NDUFA10: variants seen among roughly 807,000 people sequenced by gnomAD.
The protein encoded by NDUFA10 is NADH:ubiquinone oxidoreductase subunit A10.
A neutral mutation model predicts 47.8 loss-of-function variants in NDUFA10; 40 were observed. The ratio of observed to expected loss-of-function variants is 0.84; its 90% CI spans 0.65 to 1.09. NDUFA10 has a LOEUF of 1.09. Among genes scored for constraint, NDUFA10 ranks in the 50% least tolerant of loss-of-function variants. The pLI, the probability that NDUFA10 is intolerant of heterozygous loss-of-function variation, is 0.00. For missense variants in NDUFA10, 413 were observed against 451.1 expected, an observed-to-expected ratio of 0.92 and a Z score of 0.76; for synonymous variants, 183 against 172.2, an observed-to-expected ratio of 1.06 and a Z score of -0.49.
chr2:240,023,746 C>T (rs1029804696), intron 1 of NDUFA10, among the ~76,000 whole-genome samples: 3 of 152,064 alleles, frequency 2.0e-5, no homozygotes, highest in African/African-American at 7.2e-5. Flanking sequence ...AGATATTTTT[C>T]GATCTTGATT....
At chr2:240,021,519 G>A in intron 2 of NDUFA10, 107 bp from the exon 3 acceptor site, 1 of 992,968 alleles carries the variant, frequency 1.0e-6, no homozygotes, top group Non-Finnish European at 1.5e-6. Context: ...TCACCGCCAG[G>A]GATGGAGCCA....
intron 4 of NDUFA10, among the ~76,000 whole-genome samples, chr2:239,937,123 C>A (rs1178133370): frequency 6.6e-6 from 1 of 152,220 alleles, no homozygotes; most frequent in Non-Finnish European, 1.5e-5. Flanking sequence ...CAGAGACGCT[C>A]ACCGCACAGC....
chr2:239,896,759 C>T (rs1167795414), intron 4 of NDUFA10, among the ~76,000 whole-genome samples: 11 of 152,108 alleles, frequency 7.2e-5, no homozygotes, highest in Middle Eastern at 6.8e-3. Context: ...ATGCCCGATC[C>T]GTGAAAGATG....
chr2:239,985,081 C>T (rs1014144802), intron 9 of NDUFA10, among the ~76,000 whole-genome samples: 4 of 152,160 alleles, frequency 2.6e-5, no homozygotes. Context: ...GGTGAGATGA[C>T]TCCAGGCAAA....
chr2:239,935,894 G>A (rs73005516), intron 4 of NDUFA10, among the ~76,000 whole-genome samples: 1,678 of 152,256 alleles, frequency 0.011, 6 homozygotes, highest in Middle Eastern at 0.031. Flanking sequence ...TAAAATACCC[G>A]GTCTTGACCG....
chr2:239,961,030 C>T lies in NDUFA10; in HGVS notation c.*88G>A, dbSNP rs774655263. 6.9e-6 allele frequency: 11 copies of T among 1,595,654 alleles called. No homozygotes were observed. The African/African-American group carries it at 1.1e-4, about 16-fold the overall frequency. ...AATTTTTGCATTATTTACCCTCCCC[C>T]GATCTTAAAGCTATATGGCGTCCAG... On this transcript the variant is annotated 3_prime_UTR_variant, in exon 10 of 10. Coordinates refer to ENST00000252711, the MANE Select transcript of NDUFA10 (RefSeq NM_004544.4).
chr2:239,905,436 G>C (rs72999754), intron 4 of NDUFA10, among the ~76,000 whole-genome samples: 1 of 152,226 alleles, frequency 6.6e-6, no homozygotes, highest in African/African-American at 2.4e-5. Context: ...CGGGACTCTC[G>C]GCTACCGAGG....
chr2:239,913,989 T>C (rs1226008158), intron 4 of NDUFA10, among the ~76,000 whole-genome samples: 1 of 152,092 alleles, frequency 6.6e-6, no homozygotes, highest in Non-Finnish European at 1.5e-5. Context: ...GGAACAAGGG[T>C]GGGCAGGAAC....
In NDUFA10 at chr2:240,018,865, A is replaced by G. The variant is rs113340998; in HGVS notation, c.461-226T>C. 8.8e-4 allele frequency among the ~76,000 whole-genome samples: 134 copies of G among 152,324 alleles called. 2 individuals carry two copies. In the South Asian group the frequency reaches 0.014, roughly 16 times the overall value. ...ATAACATCGTTTCATTAAGTCAGCT[A>G]TAACAGAAAGCATCCGGTTAATACA... On this transcript the variant is annotated intron_variant, in intron 3 of 9. Coordinates refer to ENST00000252711, the MANE Select transcript of NDUFA10 (RefSeq NM_004544.4).
chr2:239,967,679 G>A (rs1464688148), intron 9 of NDUFA10, among the ~76,000 whole-genome samples: 1 of 152,200 alleles, frequency 6.6e-6, no homozygotes, highest in African/African-American at 2.4e-5. Context: ...GCAACAGCGG[G>A]GAACAGGGTG....
intron 9 of NDUFA10, chr2:239,983,470 C>T (rs1304408421): frequency 1.3e-6 from 2 of 1,534,488 alleles, no homozygotes; most frequent in South Asian, 2.4e-5. Flanking sequence ...TATCAAGCAA[C>T]CGAATTTCCT....
At chr2:239,908,390 G>C (rs1301054016) in intron 4 of NDUFA10, among the ~76,000 whole-genome samples, 1 of 152,148 alleles carries the variant, frequency 6.6e-6, no homozygotes, top group Non-Finnish European at 1.5e-5. Flanking sequence ...AGAACGTAAA[G>C]CATAATTAAA....
At chr2:239,905,414 G>A (rs986774085) in intron 4 of NDUFA10, among the ~76,000 whole-genome samples, 4 of 152,206 alleles carry the variant, frequency 2.6e-5, no homozygotes, top group Non-Finnish European at 4.4e-5. Flanking sequence ...CAGCAGCCTC[G>A]AAGATTTGCA....
chr2:239,905,869 C>G (rs1395113416), intron 4 of NDUFA10, among the ~76,000 whole-genome samples: 3 of 106,646 alleles, frequency 2.8e-5, no homozygotes, highest in Non-Finnish European at 5.8e-5. Context: ...GGGGAGCAGC[C>G]TGGGAGGGGA....
chr2:239,939,005 G>C (rs1011318491), intron 4 of NDUFA10, among the ~76,000 whole-genome samples: 2 of 152,150 alleles, frequency 1.3e-5, no homozygotes, highest in Non-Finnish European at 2.9e-5. Flanking sequence ...CGTTGGGTTG[G>C]GGGAAACAGT....
At chr2:239,938,687 T>C (rs6437327) in intron 4 of NDUFA10, among the ~76,000 whole-genome samples, 71,506 of 151,950 alleles carry the variant, frequency 0.47, 17,141 homozygotes, top group African/African-American at 0.55. Context: ...AGGGTGGACT[T>C]GCGCAGATGC....
At position 240,020,289 on chromosome 2, in the gene NDUFA10, G is replaced by GA. The variant is rs1697567343; in HGVS notation, c.460+907dup. Among the ~76,000 whole-genome samples, 5 of 152,256 alleles carry GA rather than the reference G, an allele frequency of 3.3e-5. No homozygotes were observed. The South Asian group carries it at 8.3e-4, about 25-fold the overall frequency. On this transcript the variant is annotated intron_variant, in intron 3 of 9. Transcript: ENST00000252711. ...CTCATCAGGGGCACTGCCAATCAAC[G>GA]AAAGCAGCAAGCACTGCAATATAAA...
At chr2:239,982,310 A>G (rs1695811521) in intron 9 of NDUFA10, 1 of 1,543,812 alleles carries the variant, frequency 6.5e-7, no homozygotes, top group Admixed American at 1.8e-5. Context: ...TGCAATTTTC[A>G]TAAAGCAAAA....
At chr2:240,014,939 A>T in intron 4 of NDUFA10, 79 bp from the exon 5 acceptor site, 1 of 1,594,048 alleles carries the variant, frequency 6.3e-7, no homozygotes, top group Non-Finnish European at 8.6e-7. Context: ...CTTGAATAAA[A>T]GGGCAAACAT....
Sources: gnomAD v4.1 joint callset for allele counts (sites outside exome capture counted in the v4.1 genomes callset) on GRCh38, gnomAD v4.1.1 for gene constraint, MANE v1.5 for transcripts, NCBI Gene and HGNC (gene_info 2026-07-23, HGNC 2026-07-21) for gene names.